Variants in GALNT15 observed in about 807,000 individuals in gnomAD.
The protein encoded by GALNT15 is UDP-GalNAc transferase T15.
Under a neutral mutation model 66.8 loss-of-function variants are expected in GALNT15, and 67 were observed. The observed-to-expected ratio is 1.00, with a 90% CI of 0.82 to 1.23. The LOEUF is 1.23. GALNT15 is among the 50% of genes most tolerant of loss of function. GALNT15 has a pLI of 0.00. For missense variants in GALNT15, 827 were observed against 804.3 expected (o/e 1.03, Z -0.34); for synonymous variants, 313 against 311.5 (o/e 1.00, Z -0.05).
intron 1 of GALNT15, among the ~76,000 whole-genome samples, chr3:16,177,186 C>A (rs2063419311): frequency 1.3e-5 from 2 of 152,228 alleles, no homozygotes; most frequent in Admixed American, 6.5e-5. Flanking sequence ...CAAAGCCCAA[C>A]ATGCAGTAAA....
chr3:16,190,012 G>C (rs1184355990), intron 1 of GALNT15, among the ~76,000 whole-genome samples: 1 of 152,222 alleles, frequency 6.6e-6, no homozygotes, highest in Non-Finnish European at 1.5e-5. Context: ...TTATCCACTT[G>C]ATAAAACATC....
Position 16,229,536 on chromosome 3 carries a change from A to C in GALNT15, c.*2036A>C. 1.0e-6 allele frequency: 1 copy of C among 984,942 alleles called. No homozygotes were observed. The highest frequency in any genetic ancestry group is 1.2e-6 in the Non-Finnish European group (1 of 829,542). The allele number at this position is 984,942 out of a possible 1,614,324, so 61.0% of individuals were successfully genotyped here. ...GTCACTGTCTTCTTGCTTCAGACCC[A>C]TCTATATTTAAAACAAATTTCCCTA... On this transcript the variant is annotated 3_prime_UTR_variant, in exon 10 of 10. Coordinates refer to ENST00000339732, the MANE Select transcript of GALNT15 (RefSeq NM_054110.5).
At chr3:16,242,639 C>T in the GALNT15 span, among the ~76,000 whole-genome samples, 3 of 151,980 alleles carry the variant, frequency 2.0e-5, no homozygotes, top group Non-Finnish European at 4.4e-5. This position sits in a 1 kb window ranked among gnomAD's most constrained non-coding sequence, Gnocchi z 5.6. Flanking sequence ...AATACCTAGG[C>T]ATTGTAGCAC....
rs536126164 is a variant in GALNT15, at chr3:16,225,118, A to G, written c.1774-2236A>G. On this transcript the variant is annotated intron_variant, in intron 9 of 9. Coordinates refer to ENST00000339732, the MANE Select transcript of GALNT15 (RefSeq NM_054110.5). This position sits in a 1 kb window ranked among gnomAD's most constrained non-coding sequence, Gnocchi z 4.4. ...GATGAAGTGGGAGCAGGCATATCAC[A>G]TGGTGAAAGCAGGAACAAGAGAAAG... Among the ~76,000 whole-genome samples the G allele has an allele frequency of 1.9e-3, 286 of 152,268 alleles. 1 individual carries two copies. Among genetic ancestry groups the G allele is most frequent in the African/African-American group, 6.5e-3 (271 of 41,542 alleles).
rs2063922352 is a variant in GALNT15, at chr3:16,219,838, G to T, written c.1525-72G>T. The T allele has an allele frequency of 8.0e-7, 1 of 1,242,514 alleles. No homozygotes were observed. The highest frequency in any genetic ancestry group is 2.3e-5 in the East Asian group (1 of 43,094). 77.0% of individuals were successfully genotyped at this position (1,242,514 alleles called of 1,614,324 possible). A position where few individuals can be genotyped will look rare whatever the true frequency, so the allele number is the denominator to read the frequency against. On this transcript the variant is annotated intron_variant, in intron 7 of 9. Coordinates refer to ENST00000339732, the MANE Select transcript of GALNT15 (RefSeq NM_054110.5). This position sits in a 1 kb window ranked among gnomAD's most constrained non-coding sequence, Gnocchi z 4.3. ...CTGCACTCCAGAGAATACAGCAAAG[G>T]AATGGTGTCTGACCGAGGGTGTCTT...
intron 1 of GALNT15, among the ~76,000 whole-genome samples, chr3:16,177,990 C>T (rs373356340): frequency 4.6e-5 from 7 of 151,864 alleles, no homozygotes; most frequent in African/African-American, 2.4e-5. Flanking sequence ...GGGTGTAATA[C>T]GTGTGTATTG....
the GALNT15 span, among the ~76,000 whole-genome samples, chr3:16,242,287 C>T: frequency 6.6e-6 from 1 of 152,202 alleles, no homozygotes; most frequent in Non-Finnish European, 1.5e-5. This position sits in a 1 kb window ranked among gnomAD's most constrained non-coding sequence, Gnocchi z 5.6. Context: ...TGCCTGCAGG[C>T]CCAGTGGCTA....
the GALNT15 span, among the ~76,000 whole-genome samples, chr3:16,239,417 A>G: frequency 6.6e-6 from 1 of 152,112 alleles, no homozygotes; most frequent in Non-Finnish European, 1.5e-5. The surrounding 1 kb of genome is among the most constrained non-coding windows in gnomAD (Gnocchi z 5.2). Context: ...TTTTAATGTC[A>G]TGGGATGAAA....
At chr3:16,230,839 C>T (rs1244501600), downstream of GALNT15, among the ~76,000 whole-genome samples, 3 of 152,184 alleles carry the variant, frequency 2.0e-5, no homozygotes, top group African/African-American at 7.2e-5. This position sits in a 1 kb window ranked among gnomAD's most constrained non-coding sequence, Gnocchi z 4.5. Flanking sequence ...ATATGTCAAG[C>T]ACAATAACCA....
chr3:16,208,017 C>T lies in GALNT15; in HGVS notation c.912-486C>T, dbSNP rs138069020. Among the ~76,000 whole-genome samples the T allele has an allele frequency of 4.3e-3, 656 of 152,204 alleles. 3 individuals carry two copies. The highest frequency in any genetic ancestry group is 5.9e-3 in the Non-Finnish European group (403 of 68,020). On this transcript the variant is annotated intron_variant, in intron 3 of 9. Coordinates refer to ENST00000339732, the MANE Select transcript of GALNT15 (RefSeq NM_054110.5). ...TAGTAGCAGAGCTGAGCCTAGGACC[C>T]GTCTCTGTATCTCTCAGTGCTGTCA...
intron 1 of GALNT15, among the ~76,000 whole-genome samples, chr3:16,194,995 A>T (rs993663206): frequency 6.6e-6 from 1 of 152,362 alleles, no homozygotes; most frequent in Non-Finnish European, 1.5e-5. Context: ...ATAAAATTTT[A>T]AAAAATAGTA....
chr3:16,215,906 C>CAAAAAAAAAAAACAAAACAAAAA (rs1559690416), intron 6 of GALNT15, among the ~76,000 whole-genome samples: 1 of 102,630 alleles, frequency 9.7e-6, no homozygotes, highest in Non-Finnish European at 2.0e-5. Flanking sequence ...GAGACTCCGC[C>CAAAAAAAAAAAACAAAACAAAAA]AAAAAAAAAA....
chr3:16,241,217 C>T, the GALNT15 span, among the ~76,000 whole-genome samples: 2 of 152,168 alleles, frequency 1.3e-5, no homozygotes, highest in Non-Finnish European at 2.9e-5. The surrounding 1 kb of genome is among the most constrained non-coding windows in gnomAD (Gnocchi z 4.6). Flanking sequence ...TAGCTTTTTG[C>T]CCAGAGTCCC....
Position 16,200,554 on chromosome 3 carries a change from C to G in GALNT15, c.707-65C>G. The G allele has an allele frequency of 7.7e-7, 1 of 1,292,490 alleles. No homozygotes were observed. The highest frequency in any genetic ancestry group is 1.0e-6 in the Non-Finnish European group (1 of 953,760). The allele number at this position is 1,292,490 out of a possible 1,614,324, so 80.1% of individuals were successfully genotyped here. ...CCAAAAGAGAGTTGCTGACGATTGT[C>G]TTAGTCACAATCTCATCGGTTGTGG... On this transcript the variant is annotated intron_variant, in intron 2 of 9. Transcript: ENST00000339732. This position sits in a 1 kb window ranked among gnomAD's most constrained non-coding sequence, Gnocchi z 4.4.
chr3:16,233,094 C>CTTTTTTTTTTTTGTTTTTTTTTTTTT (rs2064099845), downstream of GALNT15, among the ~76,000 whole-genome samples: 1 of 61,208 alleles, frequency 1.6e-5, no homozygotes, highest in Non-Finnish European at 3.0e-5. Context: ...GATAATGCAT[C>CTTTTTTTTTTTTGTTTTTTTTTTTTT]TTTTTTTTTT....
chr3:16,200,991 A>G lies in GALNT15; in HGVS notation c.911+168A>G, dbSNP rs2063694727. Reference sequence around the variant, plus strand: ...GTAAGTTTTTTAAGACTATAGAGTTAGAGTTGGAAAGGAGGTTAGAGGTCT... The same window carrying G: ...GTAAGTTTTTTAAGACTATAGAGTTGGAGTTGGAAAGGAGGTTAGAGGTCT... On this transcript the variant is annotated intron_variant, in intron 3 of 9. Coordinates refer to ENST00000339732, the MANE Select transcript of GALNT15 (RefSeq NM_054110.5). The surrounding 1 kb of genome is among the most constrained non-coding windows in gnomAD (Gnocchi z 4.4). Among the ~76,000 whole-genome samples the G allele has an allele frequency of 1.3e-5, 2 of 151,780 alleles. No individual in the cohort carries two copies. Among genetic ancestry groups the G allele is most frequent in the African/African-American group, 4.9e-5 (2 of 41,102 alleles).
At chr3:16,221,189 A>C (rs2063938415) in intron 8 of GALNT15, among the ~76,000 whole-genome samples, 1 of 151,864 alleles carries the variant, frequency 6.6e-6, no homozygotes. Flanking sequence ...GAATAAAAAA[A>C]AAAATAAAGA....
chr3:16,208,646 T>G lies in GALNT15; in HGVS notation c.1055T>G (p.Leu352Arg). ...EPLPEHVRKA[L>R]QSPISPIRSP... The stretch of plus-strand genomic sequence containing the variant: ...TTGCCAGAGCATGTGAGGAAGGCCC[T>G]CCAGTCCCCCATAAGCCCCATCAGG... The change falls in exon 4 of 10, where the codon CTC (leucine) becomes CGC (arginine). Residue 352 changes from leucine (L) to arginine (R), a missense_variant. Leu to Arg is a moderately radical substitution (Grantham distance 102). Transcript: ENST00000339732. 1 of 1,614,070 alleles carries G rather than the reference T, an allele frequency of 6.2e-7. No homozygotes were observed. Among genetic ancestry groups the G allele is most frequent in the South Asian group, 1.1e-5 (1 of 91,052 alleles).
chr3:16,193,481 A>C lies in GALNT15; in HGVS notation c.540-2279A>C, dbSNP rs183641129. Reference sequence around the variant, plus strand: ...TGTAAATTTATAAACCAACAAAATAATTAGCTCCTTTATGAGATGTTTATG... The same window carrying C: ...TGTAAATTTATAAACCAACAAAATACTTAGCTCCTTTATGAGATGTTTATG... On this transcript the variant is annotated intron_variant, in intron 1 of 9. Transcript: ENST00000339732. The surrounding 1 kb of genome is among the most constrained non-coding windows in gnomAD (Gnocchi z 4.7). Among the ~76,000 whole-genome samples, 3 of 152,356 alleles carry C rather than the reference A, an allele frequency of 2.0e-5. No homozygotes were observed. In the East Asian group the frequency reaches 5.8e-4, roughly 29 times the overall value.
Sources: gnomAD v4.1 joint callset for allele counts (sites outside exome capture counted in the v4.1 genomes callset) on GRCh38, gnomAD v4.1.1 for gene constraint, Gnocchi (gnomAD v3.1) non-coding constraint, MANE v1.5 for transcripts, NCBI Gene and HGNC (gene_info 2026-07-23, HGNC 2026-07-21) for gene names.